RASA3: variants seen among roughly 807,000 people sequenced by gnomAD.
RASA3 encodes the protein RAS p21 protein activator 3, also known as ras GTPase-activating protein 3.
Under a neutral mutation model 110.0 loss-of-function variants are expected in RASA3, and 73 were observed. That is an observed-to-expected ratio of 0.66 (90% CI 0.55 to 0.81). The LOEUF (loss-of-function observed/expected upper bound fraction) is 0.81. Among genes scored for constraint, RASA3 ranks in the 30% least tolerant of loss-of-function variants. The probability of loss-of-function intolerance (pLI) is 0.00; values close to 1 mark genes in which losing one functional copy is unlikely to be tolerated. For missense variants in RASA3, 976 were observed against 1,113.2 expected, an observed-to-expected ratio of 0.88 and a Z score of 1.75; for synonymous variants, 500 against 451.4, an observed-to-expected ratio of 1.11 and a Z score of -1.37.
chr13:114,075,446 C>T (rs1229917694), intron 1 of RASA3, among the ~76,000 whole-genome samples: 6 of 103,318 alleles, frequency 5.8e-5, no homozygotes, highest in Non-Finnish European at 6.2e-5. Flanking sequence ...CTGGACAACG[C>T]CTCCCGTGTC....
chr13:114,042,642 C>A (rs2054437074), intron 3 of RASA3, among the ~76,000 whole-genome samples: 1 of 152,244 alleles, frequency 6.6e-6, no homozygotes, highest in Non-Finnish European at 1.5e-5. Flanking sequence ...GGCCACCCTG[C>A]CTCACGCCAG....
At chr13:114,073,494 A>G (rs9525385) in intron 2 of RASA3, among the ~76,000 whole-genome samples, 16 of 24,054 alleles carry the variant, frequency 6.7e-4, no homozygotes, top group African/African-American at 3.6e-3. Flanking sequence ...CACTGTCTAC[A>G]CACAGAAAAA....
At chr13:114,080,727 C>CTGAAA (rs2079772400) in intron 1 of RASA3, among the ~76,000 whole-genome samples, 2 of 40,024 alleles carry the variant, frequency 5.0e-5, no homozygotes, top group African/African-American at 1.8e-4. Flanking sequence ...GGGCCACCTC[C>CTGAAA]CAGGGCACGC....
intron 1 of RASA3, among the ~76,000 whole-genome samples, chr13:114,105,647 G>GAT (rs1338637589): frequency 2.0e-5 from 3 of 152,346 alleles, no homozygotes; most frequent in Non-Finnish European, 2.9e-5. Context: ...CACCCAGCCT[G>GAT]AGGCTGGACG....
intron 1 of RASA3, among the ~76,000 whole-genome samples, chr13:114,099,548 C>T (rs2079995423): frequency 6.6e-6 from 1 of 151,548 alleles, no homozygotes. Flanking sequence ...CCCTCCCTGC[C>T]TGGGACCTAA....
At chr13:114,116,972 G>GGT (rs1166428714) in intron 1 of RASA3, among the ~76,000 whole-genome samples, 39 of 130,076 alleles carry the variant, frequency 3.0e-4, no homozygotes, top group African/African-American at 4.1e-4. Context: ...GTGTGTGAGG[G>GGT]GAGCACGTGT....
chr13:114,069,097 G>C (rs551198100), intron 2 of RASA3, among the ~76,000 whole-genome samples: 1 of 152,306 alleles, frequency 6.6e-6, no homozygotes, highest in Non-Finnish European at 1.5e-5. Context: ...ACAGGCCTGA[G>C]GTGGAGCTGG....
At chr13:114,075,030 A>G (rs1027032692) in intron 1 of RASA3, among the ~76,000 whole-genome samples, 1 of 152,128 alleles carries the variant, frequency 6.6e-6, no homozygotes, top group African/African-American at 2.4e-5. Flanking sequence ...TGCCTCCGTC[A>G]TTTGGCTCTA....
At chr13:114,073,608 G>A (rs532165104) in intron 2 of RASA3, 112 bp downstream of exon 2, 134 of 888,100 alleles carry the variant, frequency 1.5e-4, no homozygotes, top group Non-Finnish European at 2.3e-4. Context: ...TGACGTACAC[G>A]CTCGGGACGT....
At chr13:114,091,107 T>C (rs1413954492) in intron 1 of RASA3, among the ~76,000 whole-genome samples, 1 of 152,182 alleles carries the variant, frequency 6.6e-6, no homozygotes, top group Non-Finnish European at 1.5e-5. Flanking sequence ...TCTTAGTTTT[T>C]TGAGCTAGCA....
chr13:114,098,336 G>C (rs1276793749), intron 1 of RASA3, among the ~76,000 whole-genome samples: 1 of 152,162 alleles, frequency 6.6e-6, no homozygotes, highest in Admixed American at 6.5e-5. Context: ...ACCCAGGTGC[G>C]GGTCAGCAGG....
intron 4 of RASA3, among the ~76,000 whole-genome samples, chr13:114,033,062 C>A: frequency 1.7e-5 from 1 of 58,766 alleles, no homozygotes; most frequent in Non-Finnish European, 3.6e-5. Context: ...CACCACACCC[C>A]ACAGCACCCC....
intron 1 of RASA3, among the ~76,000 whole-genome samples, chr13:114,077,250 G>A (rs1016762881): frequency 1.3e-5 from 2 of 152,264 alleles, no homozygotes; most frequent in African/African-American, 2.4e-5. Context: ...TGAAAAGGCC[G>A]GATCCCCCTG....
intron 1 of RASA3, among the ~76,000 whole-genome samples, chr13:114,097,225 A>G (rs564059215): frequency 1.3e-5 from 2 of 152,230 alleles, no homozygotes; most frequent in Non-Finnish European, 2.9e-5. Context: ...GGGTGGTCTT[A>G]GTACTGTCAC....
At chr13:114,016,337 G>A (rs1199903823) in intron 12 of RASA3, 66 bp from the exon 13 acceptor site, 2 of 1,222,130 alleles carry the variant, frequency 1.6e-6, no homozygotes, top group South Asian at 1.2e-5. Context: ...GAGGGTGGAA[G>A]GGGTCTCAGG....
intron 4 of RASA3, among the ~76,000 whole-genome samples, chr13:114,031,125 C>T (rs2054158751): frequency 7.2e-6 from 1 of 139,316 alleles, no homozygotes; most frequent in Admixed American, 7.2e-5. Context: ...TTGTATGTGT[C>T]CACCTGTGTG....
Position 114,056,612 on chromosome 13 carries a change from G to T in RASA3, c.174-4457C>A, listed in dbSNP as rs1222631677. On this transcript the variant is annotated intron_variant, in intron 2 of 23. Transcript: ENST00000334062. This position sits in a 1 kb window ranked among gnomAD's most constrained non-coding sequence, Gnocchi z 5.7. The stretch of plus-strand genomic sequence containing the variant: ...GCTCGGTGGGGGGAGGCCCGTGCTG[G>T]CTGGGCACCTGGGAGGGTCCCGTGA... 2.0e-6 allele frequency: 2 copies of T among 984,502 alleles called. No individual in the cohort carries two copies. Among genetic ancestry groups the T allele is most frequent in the African/African-American group, 3.5e-5 (2 of 56,928 alleles). The allele number at this position is 984,502 out of a possible 1,614,324, so 61.0% of individuals were successfully genotyped here.
chr13:114,069,400 A>T (rs2079514660), intron 2 of RASA3, among the ~76,000 whole-genome samples: 1 of 132,554 alleles, frequency 7.5e-6, no homozygotes, highest in South Asian at 2.8e-4. Flanking sequence ...CTTAAAGGTG[A>T]CACTGACCTT....
intron 4 of RASA3, among the ~76,000 whole-genome samples, chr13:114,033,490 C>CT (rs1241105191): frequency 2.7e-3 from 39 of 14,198 alleles, no homozygotes; most frequent in African/African-American, 4.4e-3. Flanking sequence ...CACCCCCACA[C>CT]TGACACCACG....
Sources: allele counts gnomAD v4.1 joint callset (sites outside exome capture counted in the v4.1 genomes callset), GRCh38; gene constraint gnomAD v4.1.1; non-coding constraint Gnocchi (gnomAD v3.1); transcripts MANE v1.5; gene names NCBI Gene and HGNC (gene_info 2026-07-23, HGNC 2026-07-21).